LIN7B: variants seen among roughly 807,000 people sequenced by gnomAD.
LIN7B encodes the protein lin-7 cell polarity scaffold B, also known as protein lin-7 homolog B.
A neutral mutation model predicts 27.9 loss-of-function variants in LIN7B; 16 were observed. That is an observed-to-expected ratio of 0.57 (90% confidence interval 0.39 to 0.87). The LOEUF (loss-of-function observed/expected upper bound fraction) is 0.87, where lower values mean the gene tolerates loss of function less well. Among genes scored for constraint, LIN7B ranks in the 40% least tolerant of loss-of-function variants. LIN7B has a pLI of 0.00. For missense variants in LIN7B, 291 were observed against 288.5 expected (o/e 1.01, Z -0.06); for synonymous variants, 147 against 120.8 (o/e 1.22, Z -1.42).
chr19:49,118,281 A>C lies in LIN7B; in HGVS notation c.603-71A>C. ...ACTTACCTGGGCCCTTGCCTCTGCAACCCCAGTCCTGCCCCTCTTGTCTAC... is the reference window on the plus strand; with the variant it reads ...ACTTACCTGGGCCCTTGCCTCTGCACCCCCAGTCCTGCCCCTCTTGTCTAC... On this transcript the variant is annotated intron_variant, in intron 5 of 5. Transcript: ENST00000221459. The C allele has an allele frequency of 1.9e-6, 3 of 1,560,814 alleles. No individual in the cohort carries two copies. The South Asian group carries it at 3.3e-5, about 17-fold the overall frequency.
In LIN7B at chr19:49,117,943, G is replaced by A. The variant is rs767448567; in HGVS notation, c.527G>A (p.Arg176Gln). The A allele has an allele frequency of 8.7e-6, 14 of 1,613,996 alleles. No homozygotes were observed. The Admixed American group carries it at 1.0e-4, about 12-fold the overall frequency. Residue 176 changes from arginine (R) to glutamine (Q), a missense_variant, in exon 5 of 6, where the codon CGA becomes CAA. Physicochemically the swap from Arg to Gln is conservative, Grantham distance 43 (BLOSUM62 1). Coordinates refer to ENST00000221459, the MANE Select transcript of LIN7B (RefSeq NM_022165.3). ...AAGCTGGTTGTCCGTTACACACCGC[G>A]AGTGCTGGAGGAGATGGAGGCCCGG... The part of the protein sequence containing the change: ...SVKLVVRYTP[R>Q]VLEEMEARFE...
At position 49,114,384 on chromosome 19, in the gene LIN7B, G is replaced by T; in HGVS notation, c.-21G>T. The stretch of plus-strand genomic sequence containing the variant: ...TCGCCGGCGCCAGGGCAGGCGGGCG[G>T]CTGGCAGCTGTGGCGCCGACATGGC... On this transcript the variant is annotated 5_prime_UTR_variant, in exon 1 of 6. Coordinates refer to ENST00000221459, the MANE Select transcript of LIN7B (RefSeq NM_022165.3). 1.7e-6 allele frequency: 2 copies of T among 1,194,244 alleles called. No homozygotes were observed. Among genetic ancestry groups the T allele is most frequent in the Non-Finnish European group, 2.1e-6 (2 of 963,676 alleles). 74.0% of individuals were successfully genotyped at this position (1,194,244 alleles called of 1,614,324 possible).
chr19:49,115,010 TC>T, intron 2 of LIN7B, 43 bp downstream of exon 2: 2 of 949,426 alleles, frequency 2.1e-6, no homozygotes, highest in East Asian at 3.2e-5. Context: ...GTGGCCGTCG[TC>T]CTCCTCCTCC....
intron 4 of LIN7B, among the ~76,000 whole-genome samples, chr19:49,117,327 C>T (rs979778679): frequency 6.6e-6 from 1 of 150,554 alleles, no homozygotes; most frequent in South Asian, 2.1e-4. Flanking sequence ...GTCAGCCATA[C>T]AGGACCTGAG....
At chr19:49,115,021 C>T in intron 2 of LIN7B, 54 bp downstream of exon 2, 1 of 1,179,684 alleles carries the variant, frequency 8.5e-7, no homozygotes, top group Non-Finnish European at 1.1e-6. Context: ...CCTCCTCCTC[C>T]TCCTCCTGCT....
At position 49,116,391 on chromosome 19, in the gene LIN7B, C is replaced by T. The variant is rs774967999; in HGVS notation, c.357C>T (p.Ile119=). The T allele has an allele frequency of 1.1e-5, 18 of 1,614,120 alleles. No individual in the cohort carries two copies. In the East Asian group the frequency reaches 3.3e-4, roughly 30 times the overall value. Residue 119 remains isoleucine, a synonymous_variant, in exon 4 of 6, where the codon ATC becomes ATT. Coordinates refer to ENST00000221459, the MANE Select transcript of LIN7B (RefSeq NM_022165.3). ...GGKEQNSPIY[I]SRVIPGGVAD... ...AAGAGCAAAACTCGCCCATCTACAT[C>T]TCCCGGGTCATCCCAGGGGGTGTGG...
intron 3 of LIN7B, 123 bp downstream of exon 3, chr19:49,115,454 T>C: frequency 2.4e-6 from 2 of 821,730 alleles, no homozygotes; most frequent in Middle Eastern, 2.3e-4. Flanking sequence ...TGTGCCACCT[T>C]ACTATTAGTA....
Position 49,114,843 on chromosome 19 carries a change from C to G in LIN7B, c.38-6C>G. On this transcript the variant is annotated splice_region_variant and splice_polypyrimidine_tract_variant and intron_variant, in intron 1 of 5. Coordinates refer to ENST00000221459, the MANE Select transcript of LIN7B (RefSeq NM_022165.3). ...GGGGTTTCTGCGCCCCGCCCCCGCC[C>G]CGCAGACGTGTCCCGGGCGGTTGAG... The G allele has an allele frequency of 6.9e-7, 1 of 1,439,058 alleles. No individual in the cohort carries two copies. The highest frequency in any genetic ancestry group is 1.4e-5 in the South Asian group (1 of 70,940). 89.1% of individuals were successfully genotyped at this position (1,439,058 alleles called of 1,614,324 possible).
chr19:49,116,556 CACTG>C (rs1029637737), intron 4 of LIN7B, 84 bp downstream of exon 4: 6 of 1,253,958 alleles, frequency 4.8e-6, no homozygotes, highest in African/African-American at 1.5e-5. Context: ...ACTCAACACA[CACTG>C]AGTGTTGTCT....
intron 5 of LIN7B, 140 bp from the exon 6 acceptor site, chr19:49,118,212 C>T: frequency 3.8e-6 from 5 of 1,315,752 alleles, no homozygotes; most frequent in Non-Finnish European, 5.4e-6. Context: ...AGCTTCCTTC[C>T]ATCCCAAGAT....
Position 49,114,895 on chromosome 19 carries a change from G to C in LIN7B, c.84G>C (p.Gly28=), listed in dbSNP as rs765188082. The change falls in exon 2 of 6, where the codon GGG becomes GGC. Residue 28 remains glycine, a synonymous_variant. Coordinates refer to ENST00000221459, the MANE Select transcript of LIN7B (RefSeq NM_022165.3). Reference sequence around the variant, plus strand: ...TCCTCGAGCGGCTCCAGCGCAGCGGGGAGCTGCCGCCGCAGAAGCTGCAGG... The same window carrying C: ...TCCTCGAGCGGCTCCAGCGCAGCGGCGAGCTGCCGCCGCAGAAGCTGCAGG... ...VELLERLQRS[G]ELPPQKLQAL... 1.4e-6 allele frequency: 2 copies of C among 1,473,982 alleles called. No homozygotes were observed. The highest frequency in any genetic ancestry group is 1.8e-6 in the Non-Finnish European group (2 of 1,114,884). The allele number at this position is 1,473,982 out of a possible 1,614,324, so 91.3% of individuals were successfully genotyped here.
Position 49,117,991 on chromosome 19 carries a change from G to A in LIN7B, c.575G>A (p.Arg192His), listed in dbSNP as rs755038559. 8.7e-6 allele frequency: 14 copies of A among 1,614,018 alleles called. No individual in the cohort carries two copies. The highest frequency in any genetic ancestry group is 1.6e-4 in the Middle Eastern group (1 of 6,062). The change falls in exon 5 of 6, where the codon CGC becomes CAC. Residue 192 changes from arginine (R) to histidine (H), a missense_variant. Arg to His is a conservative substitution (Grantham distance 29, BLOSUM62 0). Transcript: ENST00000221459. ...EARFEKMRSA[R>H]RRQQHQSYSS... ...CGGTTCGAGAAGATGCGCTCTGCCCGCCGGCGCCAACAGCATCAGAGCTAC... is the reference window on the plus strand; with the variant it reads ...CGGTTCGAGAAGATGCGCTCTGCCCACCGGCGCCAACAGCATCAGAGCTAC...
intron 1 of LIN7B, 72 bp from the exon 2 acceptor site, chr19:49,114,777 C>T: frequency 4.4e-6 from 4 of 914,058 alleles, no homozygotes; most frequent in Non-Finnish European, 6.1e-6. Context: ...CTCACTCCGC[C>T]GCTCTCCTTG....
At chr19:49,115,138 C>A in intron 2 of LIN7B, 122 bp from the exon 3 acceptor site, 1 of 986,826 alleles carries the variant, frequency 1.0e-6, no homozygotes, top group Non-Finnish European at 1.4e-6. Flanking sequence ...TTTTCTCGGC[C>A]TTCTGTTGCG....
rs544829755 is a variant in LIN7B at position 49,114,834 on chromosome 19, GC to G, written c.38-10del. The G allele has an allele frequency of 6.1e-5, 85 of 1,401,290 alleles. No homozygotes were observed. In the South Asian group the frequency reaches 1.0e-3, roughly 17 times the overall value. 86.8% of individuals were successfully genotyped at this position (1,401,290 alleles called of 1,614,324 possible). A position where few individuals can be genotyped will look rare whatever the true frequency, so the allele number is the denominator to read the frequency against. On this transcript the variant is annotated splice_polypyrimidine_tract_variant and intron_variant, in intron 1 of 5. Coordinates refer to ENST00000221459, the MANE Select transcript of LIN7B (RefSeq NM_022165.3). ...CTGACACTCGGGGTTTCTGCGCCCCGCCCCCGCCCCGCAGACGTGTCCCGGG... is the reference window on the plus strand; with the variant it reads ...CTGACACTCGGGGTTTCTGCGCCCCGCCCCGCCCCGCAGACGTGTCCCGGG...
At chr19:49,116,648 T>C (rs916922911) in intron 4 of LIN7B, among the ~76,000 whole-genome samples, 176 bp downstream of exon 4, 3 of 152,246 alleles carry the variant, frequency 2.0e-5, no homozygotes, top group African/African-American at 7.2e-5. Flanking sequence ...CAACCTTCTC[T>C]CTCTGGGGAG....
intron 4 of LIN7B, 61 bp from the exon 5 acceptor site, chr19:49,117,794 C>T: frequency 2.7e-6 from 4 of 1,484,526 alleles, no homozygotes; most frequent in Non-Finnish European, 3.7e-6. Flanking sequence ...TCCCATCTCC[C>T]AGTGGGGGCT....
chr19:49,117,441 G>A (rs1440923586), intron 4 of LIN7B, among the ~76,000 whole-genome samples: 1 of 151,974 alleles, frequency 6.6e-6, no homozygotes, highest in Admixed American at 6.6e-5. Flanking sequence ...GACCACTCTG[G>A]GACTCTATGG....
At chr19:49,116,138 A>G in intron 3 of LIN7B, 125 bp from the exon 4 acceptor site, 1 of 706,076 alleles carries the variant, frequency 1.4e-6, no homozygotes, top group Middle Eastern at 4.1e-4. Context: ...TTGTGCCATG[A>G]CAAGTGTCCC....
Sources: gnomAD v4.1 joint callset for allele counts (sites outside exome capture counted in the v4.1 genomes callset) on GRCh38, gnomAD v4.1.1 for gene constraint, MANE v1.5 for transcripts, NCBI Gene and HGNC (gene_info 2026-07-23, HGNC 2026-07-21) for gene names.